Variants in NAV2 observed in about 807,000 individuals in gnomAD.
NAV2 encodes the protein helicase, APC down-regulated 1.
A neutral mutation model predicts 223.2 loss-of-function variants in NAV2; 54 were observed. That is an observed-to-expected ratio of 0.24 (90% CI 0.19 to 0.30). NAV2 has a LOEUF of 0.30. NAV2 is among the 10% of genes least tolerant of loss of function. The pLI, the probability that NAV2 is intolerant of heterozygous loss-of-function variation, is 1.00. For missense variants in NAV2, 2,806 were observed against 3,147.5 expected, an observed-to-expected ratio of 0.89 and a Z score of 2.60; for synonymous variants, 1,279 against 1,239.3, an observed-to-expected ratio of 1.03 and a Z score of -0.67.
At chr11:19,846,733 A>T (rs183974588) in intron 3 of NAV2, among the ~76,000 whole-genome samples, 11 of 152,312 alleles carry the variant, frequency 7.2e-5, no homozygotes, top group Non-Finnish European at 1.3e-4. Context: ...CTCAAGCCTG[A>T]TGCTTTTCCA....
intron 1 of NAV2, among the ~76,000 whole-genome samples, chr11:19,781,759 CT>C (rs5790090): frequency 0.49 from 71,967 of 147,906 alleles, 17,878 homozygotes; most frequent in East Asian, 0.72. Context: ...GCTCCTTTAG[CT>C]TTTTTTTTTT....
intron 11 of NAV2, among the ~76,000 whole-genome samples, chr11:20,018,669 G>A (rs933067352): frequency 1.3e-5 from 2 of 152,160 alleles, no homozygotes; most frequent in African/African-American, 4.8e-5. Flanking sequence ...TTTAGGCACT[G>A]GGAGGATATG....
At chr11:19,801,280 G>GT (rs1254526523) in intron 1 of NAV2, among the ~76,000 whole-genome samples, 1 of 152,214 alleles carries the variant, frequency 6.6e-6, no homozygotes, top group Non-Finnish European at 1.5e-5. Context: ...GGTGCGGCCT[G>GT]CCCCCTGCCT....
At chr11:20,079,494 G>T (rs181618341) in intron 24 of NAV2, among the ~76,000 whole-genome samples, 189 of 152,306 alleles carry the variant, frequency 1.2e-3, no homozygotes, top group Non-Finnish European at 2.4e-3. Context: ...CTTTATGTCA[G>T]ATATCACACA....
intron 1 of NAV2, among the ~76,000 whole-genome samples, chr11:19,427,995 T>C (rs1357776612): frequency 2.0e-5 from 3 of 152,196 alleles, no homozygotes; most frequent in Admixed American, 6.5e-5. Context: ...TTTTTTTTAA[T>C]GTAGCCAAAT....
rs561888502 is a variant in NAV2 at position 19,409,806 on chromosome 11, C to T, written c.75+58779C>T. Among the ~76,000 whole-genome samples the T allele has an allele frequency of 1.4e-4, 21 of 152,272 alleles. No homozygotes were observed. The South Asian group carries it at 1.7e-3, about 12-fold the overall frequency. ...GGGTGGTTACTCACTTCAGGTCACA[C>T]GAATCTTCTGTTGTAGAGCTGGTAT... On this transcript the variant is annotated intron_variant, in intron 1 of 37. Transcript: ENST00000360655.
intron 1 of NAV2, among the ~76,000 whole-genome samples, chr11:19,609,311 AC>A (rs1476681464): frequency 1.3e-5 from 2 of 152,210 alleles, no homozygotes; most frequent in Non-Finnish European, 2.9e-5. Flanking sequence ...AAAAATTGAA[AC>A]AAAAATTGAA....
intron 4 of NAV2, among the ~76,000 whole-genome samples, chr11:19,877,475 T>TTTTTTTTTTCTTTTTTCTTTTC: frequency 7.6e-6 from 1 of 131,346 alleles, no homozygotes; most frequent in Non-Finnish European, 1.6e-5. Flanking sequence ...TCATTCTTTT[T>TTTTTTTTTTCTTTTTTCTTTTC]TTTTTTTTTT....
intron 11 of NAV2, among the ~76,000 whole-genome samples, chr11:20,019,909 T>A (rs945469098): frequency 6.6e-6 from 1 of 151,292 alleles, no homozygotes; most frequent in Non-Finnish European, 1.5e-5. Context: ...GGAACAAACA[T>A]CTTGCCTGGT....
At chr11:20,049,434 G>A (rs991521774) in intron 15 of NAV2, 4 of 541,620 alleles carry the variant, frequency 7.4e-6, no homozygotes, top group Non-Finnish European at 1.3e-5. Context: ...CTCGGGGGCA[G>A]ATTTATGCTA....
intron 1 of NAV2, among the ~76,000 whole-genome samples, chr11:19,683,821 G>A (rs904308667): frequency 1.3e-5 from 2 of 152,202 alleles, no homozygotes; most frequent in African/African-American, 4.8e-5. Flanking sequence ...AACGCCCAGA[G>A]GAGGGAGAAA....
At chr11:19,466,925 C>T (rs1198979084) in intron 1 of NAV2, among the ~76,000 whole-genome samples, 1 of 152,064 alleles carries the variant, frequency 6.6e-6, no homozygotes, top group African/African-American at 2.4e-5. Flanking sequence ...TGAGAACTCT[C>T]TCTCTCTTTA....
chr11:19,538,465 C>T (rs553167822), intron 1 of NAV2, among the ~76,000 whole-genome samples: 5 of 152,058 alleles, frequency 3.3e-5, no homozygotes, highest in Admixed American at 6.5e-5. Flanking sequence ...CTCAGCCTCC[C>T]GTGTAGCTGG....
At chr11:19,655,773 A>G (rs1398969737) in intron 1 of NAV2, among the ~76,000 whole-genome samples, 3 of 151,338 alleles carry the variant, frequency 2.0e-5, no homozygotes, top group Non-Finnish European at 4.4e-5. Flanking sequence ...GGATAGCATT[A>G]GGAGATATAC....
chr11:19,484,573 T>G (rs946665646), intron 1 of NAV2, among the ~76,000 whole-genome samples: 4 of 152,232 alleles, frequency 2.6e-5, no homozygotes, highest in Non-Finnish European at 5.9e-5. Context: ...CATCCTATTC[T>G]CAGGGTTGGA....
At chr11:19,902,469 A>C (rs1263187484) in intron 6 of NAV2, among the ~76,000 whole-genome samples, 1 of 152,102 alleles carries the variant, frequency 6.6e-6, no homozygotes, top group Non-Finnish European at 1.5e-5. Flanking sequence ...TCTAAAATAC[A>C]ATAAACCTGG....
chr11:19,452,489 C>T (rs1224344759), intron 1 of NAV2, among the ~76,000 whole-genome samples: 1 of 152,180 alleles, frequency 6.6e-6, no homozygotes, highest in Non-Finnish European at 1.5e-5. Context: ...GGTGAGAAAT[C>T]CTCCTCTCTC....
At chr11:19,651,506 T>C (rs2047967307) in intron 1 of NAV2, among the ~76,000 whole-genome samples, 1 of 152,132 alleles carries the variant, frequency 6.6e-6, no homozygotes, top group East Asian at 1.9e-4. Context: ...GCTGCAGAGG[T>C]GCCCACATCA....
chr11:19,559,048 G>A (rs2045004542), intron 1 of NAV2, among the ~76,000 whole-genome samples: 2 of 152,206 alleles, frequency 1.3e-5, no homozygotes, highest in South Asian at 4.1e-4. Flanking sequence ...AGCCAGCCCA[G>A]ATTTAAGGAA....
Sources: allele counts gnomAD v4.1 joint callset (sites outside exome capture counted in the v4.1 genomes callset), GRCh38; gene constraint gnomAD v4.1.1; transcripts MANE v1.5; gene names NCBI Gene and HGNC (gene_info 2026-07-23, HGNC 2026-07-21).